The following ABLIM1 variants were observed in gnomAD, a reference collection of about 807,000 sequenced individuals.
The protein encoded by ABLIM1 is actin binding LIM protein 1.
Under a neutral mutation model 107.0 loss-of-function variants are expected in ABLIM1, and 40 were observed. That is an observed-to-expected ratio of 0.37 (90% confidence interval 0.29 to 0.49). The LOEUF (loss-of-function observed/expected upper bound fraction) is 0.49, where lower values mean the gene tolerates loss of function less well. Ranked by LOEUF, ABLIM1 falls within the 20% of genes least tolerant of loss-of-function variation. The probability of loss-of-function intolerance (pLI) is 0.97; values close to 1 mark genes in which losing one functional copy is unlikely to be tolerated. For synonymous variants in ABLIM1, 357 were observed against 357.3 expected (o/e 1.00, Z 0.01); for missense variants, 857 against 1,008.5 (o/e 0.85, Z 2.04).
chr10:114,530,823 C>A (rs1359805443), intron 6 of ABLIM1, among the ~76,000 whole-genome samples: 1 of 152,174 alleles, frequency 6.6e-6, no homozygotes, highest in Admixed American at 6.5e-5. Flanking sequence ...CGTGAGCCAC[C>A]ACACCCAGCC....
At chr10:114,704,302 C>CTCTCTATATATATATATATATATA (rs1380460034) in intron 1 of ABLIM1, among the ~76,000 whole-genome samples, 2 of 43,088 alleles carry the variant, frequency 4.6e-5, no homozygotes, top group Non-Finnish European at 9.5e-5. Context: ...CTCTCTCTCT[C>CTCTCTATATATATATATATATATA]TATATATATA....
chr10:114,778,759 G>T, the ABLIM1 span: 1 of 151,966 alleles, frequency 6.6e-6, no homozygotes, highest in Non-Finnish European at 1.5e-5. Context: ...GAGTGTTCTT[G>T]TCCCTCCCAT....
intron 1 of ABLIM1, among the ~76,000 whole-genome samples, chr10:114,716,472 A>C (rs2081666205): frequency 1.3e-5 from 2 of 151,996 alleles, no homozygotes; most frequent in Non-Finnish European, 2.9e-5. Flanking sequence ...AAGAGAAAAA[A>C]AAGAAAACGA....
intron 1 of ABLIM1, among the ~76,000 whole-genome samples, chr10:114,654,632 T>C (rs766803903): frequency 3.9e-5 from 6 of 152,164 alleles, no homozygotes; most frequent in Non-Finnish European, 8.8e-5. Flanking sequence ...TTAGTTCTCA[T>C]AATCAATACT....
the ABLIM1 span, among the ~76,000 whole-genome samples, chr10:114,774,895 A>G: frequency 0.63 from 95,642 of 151,926 alleles, 30,109 homozygotes; most frequent in Non-Finnish European, 0.64. Context: ...ATGTCCAAAG[A>G]TGCCCATGCC....
At chr10:114,570,392 C>T (rs2071466050) in intron 4 of ABLIM1, among the ~76,000 whole-genome samples, 1 of 151,844 alleles carries the variant, frequency 6.6e-6, no homozygotes, top group Non-Finnish European at 1.5e-5. Flanking sequence ...ATGACAAGTC[C>T]CCAGATATAT....
At chr10:114,622,522 T>A (rs189080672) in intron 1 of ABLIM1, among the ~76,000 whole-genome samples, 1 of 152,192 alleles carries the variant, frequency 6.6e-6, no homozygotes, top group South Asian at 2.1e-4. Flanking sequence ...GCTGGTATTA[T>A]AGGTATAAGC....
the ABLIM1 span, among the ~76,000 whole-genome samples, chr10:114,784,665 CAAAAAAAAAAAAAAAAAAGAAAAAGAA>C: frequency 1.1e-5 from 1 of 87,998 alleles, no homozygotes; most frequent in East Asian, 3.8e-4. Flanking sequence ...AGACTCACCT[CAAAAAAAAAAAAAAAAAAGAAAAAGAA>C]AAAAAAAAAA....
intron 8 of ABLIM1, among the ~76,000 whole-genome samples, chr10:114,474,887 G>C (rs1440688199): frequency 2.6e-5 from 4 of 152,266 alleles, no homozygotes; most frequent in Middle Eastern, 3.4e-3. Context: ...TCACGAGACT[G>C]ATGATTTTAT....
intron 1 of ABLIM1, among the ~76,000 whole-genome samples, chr10:114,761,504 T>C (rs1292648922): frequency 6.6e-6 from 1 of 151,958 alleles, no homozygotes; most frequent in Non-Finnish European, 1.5e-5. Context: ...TGCGCAACCA[T>C]CTCTCTCATT....
At chr10:114,440,714 G>A (rs2060062006) in intron 19 of ABLIM1, 2 of 463,594 alleles carry the variant, frequency 4.3e-6, no homozygotes, top group Non-Finnish European at 8.2e-6. Context: ...TTCCGCCTCA[G>A]CCTCCCAAAG....
intron 1 of ABLIM1, among the ~76,000 whole-genome samples, chr10:114,738,120 C>T (rs1176319241): frequency 6.6e-6 from 1 of 152,198 alleles, no homozygotes; most frequent in Non-Finnish European, 1.5e-5. Flanking sequence ...GCGATCTTGG[C>T]TCACAGCAAT....
intron 4 of ABLIM1, among the ~76,000 whole-genome samples, chr10:114,549,885 A>G (rs189985679): frequency 1.3e-5 from 2 of 152,218 alleles, no homozygotes; most frequent in East Asian, 3.8e-4. Context: ...GCTCATTCAT[A>G]AAAAAGTAGT....
At chr10:114,643,981 TA>T in intron 1 of ABLIM1, among the ~76,000 whole-genome samples, 1 of 151,708 alleles carries the variant, frequency 6.6e-6, no homozygotes, top group African/African-American at 2.4e-5. Context: ...AAATAATTTT[TA>T]AAAAATACCA....
At chr10:114,603,708 C>T (rs549409982) in intron 1 of ABLIM1, among the ~76,000 whole-genome samples, 1 of 151,408 alleles carries the variant, frequency 6.6e-6, no homozygotes, top group East Asian at 1.9e-4. Flanking sequence ...AATCCCAGCA[C>T]TTTGGGAAGC....
Position 114,619,545 on chromosome 10 carries a change from G to A in ABLIM1, c.245-17584C>T, listed in dbSNP as rs1271804984. 1.3e-5 allele frequency among the ~76,000 whole-genome samples: 2 copies of A among 152,148 alleles called. No individual in the cohort carries two copies. The highest frequency in any genetic ancestry group is 3.8e-4 in the East Asian group (2 of 5,196). On this transcript the variant is annotated intron_variant, in intron 1 of 22. Coordinates refer to ENST00000533213, the MANE Select transcript of ABLIM1 (RefSeq NM_002313.7). The surrounding 1 kb of genome is among the most constrained non-coding windows in gnomAD (Gnocchi z 4.1). ...AAGCTCTTACACATCAAAAATGAAT[G>A]CTATCCAGCATGTAATGCTCGACAA...
chr10:114,659,444 G>GA (rs1566193858), upstream of ABLIM1, among the ~76,000 whole-genome samples: 1 of 152,118 alleles, frequency 6.6e-6, no homozygotes, highest in Non-Finnish European at 1.5e-5. Context: ...TTGAGTCCAG[G>GA]AGTTTGAGGT....
intron 1 of ABLIM1, among the ~76,000 whole-genome samples, chr10:114,706,914 G>T (rs946948263): frequency 1.3e-5 from 2 of 151,652 alleles, no homozygotes; most frequent in African/African-American, 4.8e-5. Context: ...AACCTCTCCC[G>T]AAACTTACAG....
chr10:114,667,890 T>C (rs1356565710), intron 1 of ABLIM1, among the ~76,000 whole-genome samples: 1 of 152,216 alleles, frequency 6.6e-6, no homozygotes, highest in African/African-American at 2.4e-5. Context: ...TCCAGTGTGT[T>C]AGAAATCATC....
Sources: allele counts gnomAD v4.1 joint callset (sites outside exome capture counted in the v4.1 genomes callset), GRCh38; gene constraint gnomAD v4.1.1; non-coding constraint Gnocchi (gnomAD v3.1); transcripts MANE v1.5; gene names NCBI Gene and HGNC (gene_info 2026-07-23, HGNC 2026-07-21).